The following ADAMTSL1 variants were observed in gnomAD, a reference collection of about 807,000 sequenced individuals.
ADAMTSL1 encodes the protein ADAMTS-like protein 1.
In ADAMTSL1, 126 loss-of-function variants were observed where a neutral mutation model predicts 201.8. The observed-to-expected ratio is 0.62, with a 90% CI of 0.54 to 0.72. ADAMTSL1 has a LOEUF of 0.72. ADAMTSL1 is among the 30% of genes least tolerant of loss of function. The probability of loss-of-function intolerance (pLI) is 0.00; values close to 1 mark genes in which losing one functional copy is unlikely to be tolerated. For missense variants in ADAMTSL1, 2,679 were observed against 2,277.8 expected, an observed-to-expected ratio of 1.18 and a Z score of -3.59; for synonymous variants, 1,121 against 903.4, an observed-to-expected ratio of 1.24 and a Z score of -4.32.
chr9:18,718,201 G>C, intron 14 of ADAMTSL1: 1 of 778,244 alleles, frequency 1.3e-6, no homozygotes, highest in East Asian at 2.4e-5. Flanking sequence ...AGAATCATTG[G>C]AACATCATCA....
intron 1 of ADAMTSL1, among the ~76,000 whole-genome samples, chr9:18,105,156 C>T (rs570820448): frequency 1.1e-4 from 17 of 152,144 alleles, no homozygotes; most frequent in African/African-American, 1.9e-4. Context: ...ACACCGTCTC[C>T]GCTCTTGGTT....
At chr9:18,707,649 CAG>C (rs1832306882) in intron 14 of ADAMTSL1, among the ~76,000 whole-genome samples, 1 of 152,208 alleles carries the variant, frequency 6.6e-6, no homozygotes, top group Admixed American at 6.5e-5. Context: ...TGGTGAGCGA[CAG>C]AGCTGGGACT....
rs1340583879 is a variant in ADAMTSL1, at chr9:18,574,132, G to C, written c.340G>C (p.Asp114His). The change falls in exon 4 of 29, where the codon GAC (aspartate) becomes CAC (histidine). Residue 114 changes from aspartate to histidine, a missense_variant. Physicochemically the swap from Asp to His is moderately conservative, Grantham distance 81 (BLOSUM62 -1). Coordinates refer to ENST00000380548, the MANE Select transcript of ADAMTSL1 (RefSeq NM_001040272.6). The stretch of plus-strand genomic sequence containing the variant: ...TTATGAATGGCTTCCTGTGTCTAAT[G>C]ACCCTGACAACCCATGTTCACTCAA... The part of the protein sequence containing the change: ...QFYEWLPVSN[D>H]PDNPCSLKCQ... The C allele has an allele frequency of 6.2e-7, 1 of 1,614,102 alleles. No homozygotes were observed. Among genetic ancestry groups the C allele is most frequent in the African/African-American group, 1.3e-5 (1 of 75,026 alleles).
intron 1 of ADAMTSL1, among the ~76,000 whole-genome samples, chr9:18,137,329 T>C (rs1486004033): frequency 3.9e-5 from 6 of 152,186 alleles, no homozygotes; most frequent in African/African-American, 1.2e-4. Flanking sequence ...ATAATACATA[T>C]CATAGAAAGA....
At chr9:18,547,633 TAA>T (rs56789652) in intron 3 of ADAMTSL1, among the ~76,000 whole-genome samples, 7 of 86,266 alleles carry the variant, frequency 8.1e-5, no homozygotes, top group African/African-American at 2.6e-4. Context: ...TATATATATA[TAA>T]AAAAAAAAAA....
intron 2 of ADAMTSL1, among the ~76,000 whole-genome samples, chr9:18,530,608 G>A (rs1271073255): frequency 1.3e-5 from 2 of 152,002 alleles, no homozygotes; most frequent in Non-Finnish European, 2.9e-5. Flanking sequence ...CTATGCCTTT[G>A]CTTAGTTTCT....
At chr9:18,423,228 G>A (rs1315408118) in intron 2 of ADAMTSL1, among the ~76,000 whole-genome samples, 1 of 152,114 alleles carries the variant, frequency 6.6e-6, no homozygotes, top group Non-Finnish European at 1.5e-5. Context: ...ATTTAAACTG[G>A]ATTTTCCTTC....
chr9:18,008,025 T>C (rs1218944515), intron 1 of ADAMTSL1, among the ~76,000 whole-genome samples: 1 of 152,032 alleles, frequency 6.6e-6, no homozygotes, highest in Non-Finnish European at 1.5e-5. Flanking sequence ...AAGAAACATA[T>C]TTTGCTCTAA....
intron 3 of ADAMTSL1, among the ~76,000 whole-genome samples, chr9:18,549,746 A>G (rs1820684832): frequency 6.6e-6 from 1 of 151,992 alleles, no homozygotes; most frequent in Non-Finnish European, 1.5e-5. Flanking sequence ...ATCAAGGGAC[A>G]CTGTGACAGT....
chr9:17,962,395 C>T (rs577357204), intron 1 of ADAMTSL1, among the ~76,000 whole-genome samples: 4 of 152,180 alleles, frequency 2.6e-5, no homozygotes, highest in East Asian at 1.9e-4. Flanking sequence ...CAGTATCAAG[C>T]GTTATTATGT....
At chr9:18,009,040 C>G (rs758545312) in intron 1 of ADAMTSL1, among the ~76,000 whole-genome samples, 5 of 151,910 alleles carry the variant, frequency 3.3e-5, no homozygotes, top group Non-Finnish European at 7.4e-5. Flanking sequence ...GGTTACTCTC[C>G]CCTGCAGATC....
At chr9:18,200,226 G>C (rs2132270580) in intron 2 of ADAMTSL1, among the ~76,000 whole-genome samples, 1 of 151,898 alleles carries the variant, frequency 6.6e-6, no homozygotes, top group East Asian at 1.9e-4. Flanking sequence ...TTGAGATCAA[G>C]AGTTTGAGAT....
At position 18,889,639 on chromosome 9, in the gene ADAMTSL1, C is replaced by T. The variant is rs773810444; in HGVS notation, c.4534C>T (p.Arg1512Cys). Residue 1512 changes from arginine to cysteine, a missense_variant, in exon 25 of 29, where the codon CGC (arginine) becomes TGC (cysteine). Physicochemically the swap from Arg to Cys is radical, Grantham distance 180. Coordinates refer to ENST00000380548, the MANE Select transcript of ADAMTSL1 (RefSeq NM_001040272.6). ...TGGTAACCGGGGGGTTCAGCAGCCC[C>T]GCTTGAGGTGCCTGCTGAACAGCAC... is the stretch of plus-strand genomic sequence containing the variant. The part of the protein sequence containing the change: ...SCGNRGVQQP[R>C]LRCLLNSTEV... The T allele has an allele frequency of 7.4e-6, 12 of 1,612,994 alleles. No individual in the cohort carries two copies. Among genetic ancestry groups the T allele is most frequent in the Admixed American group, 1.7e-5 (1 of 59,892 alleles).
chr9:18,012,042 T>C (rs1240439945), intron 1 of ADAMTSL1, among the ~76,000 whole-genome samples: 1 of 152,034 alleles, frequency 6.6e-6, no homozygotes, highest in Non-Finnish European at 1.5e-5. Flanking sequence ...AGTAAGAAGG[T>C]TCCTTCCATT....
Position 18,310,666 on chromosome 9 carries a change from C to T in ADAMTSL1, c.207+146685C>T, listed in dbSNP as rs180952609. On this transcript the variant is annotated intron_variant, in intron 2 of 29. Transcript: ENST00000680146. Reference sequence around the variant, plus strand: ...AAAACCACAATGAGATACCATCTCACGCCAGTTAGAATGGCGATCATTAAA... The same window carrying T: ...AAAACCACAATGAGATACCATCTCATGCCAGTTAGAATGGCGATCATTAAA... Among the ~76,000 whole-genome samples the T allele has an allele frequency of 8.5e-4, 130 of 152,210 alleles. 1 individual carries two copies. The highest frequency in any genetic ancestry group is 3.1e-3 in the African/African-American group (127 of 41,546).
chr9:18,471,471 A>C (rs547409240), upstream of ADAMTSL1, among the ~76,000 whole-genome samples: 1 of 152,326 alleles, frequency 6.6e-6, no homozygotes, highest in South Asian at 2.1e-4. Context: ...TGAGATCATA[A>C]ATGTAAAATC....
intron 13 of ADAMTSL1, among the ~76,000 whole-genome samples, chr9:18,702,850 C>T (rs923107071): frequency 6.6e-6 from 1 of 151,940 alleles, no homozygotes; most frequent in African/African-American, 2.4e-5. Flanking sequence ...GCAACCTCCA[C>T]CTCCCGGGCC....
At chr9:18,146,645 C>G (rs1826657782) in intron 1 of ADAMTSL1, among the ~76,000 whole-genome samples, 3 of 152,096 alleles carry the variant, frequency 2.0e-5, no homozygotes, top group Non-Finnish European at 2.9e-5. Context: ...ATACATTACA[C>G]TAAGCAACAC....
chr9:18,182,046 C>T (rs559643821), intron 2 of ADAMTSL1, among the ~76,000 whole-genome samples: 1 of 151,130 alleles, frequency 6.6e-6, no homozygotes, highest in East Asian at 2.0e-4. Context: ...GAACAAAAAA[C>T]CAAACACCGC....
Sources: gnomAD v4.1 joint callset for allele counts (sites outside exome capture counted in the v4.1 genomes callset) on GRCh38, gnomAD v4.1.1 for gene constraint, MANE v1.5 for transcripts, NCBI Gene and HGNC (gene_info 2026-07-23, HGNC 2026-07-21) for gene names.